PVT1: variants seen among roughly 807,000 people sequenced by gnomAD.
The protein encoded by PVT1 is CXCR4/PVT1 fusion.
intron 3 of PVT1, among the ~76,000 whole-genome samples, chr8:127,893,441 T>C (rs1280286638): frequency 6.6e-6 from 1 of 152,154 alleles, no homozygotes; most frequent in Non-Finnish European, 1.5e-5. Context: ...CATGCCTGGC[T>C]AATTTTTGTT....
Position 128,022,568 on chromosome 8 carries a change from G to C in PVT1, n.912+33277G>C, listed in dbSNP as rs979743923. The stretch of plus-strand genomic sequence containing the variant: ...CCTGGCAGGGCCAAATCTGGTGTCC[G>C]GTTCACTCTTGGCCTTCCAAGTTCT... On this transcript the variant is annotated intron_variant and non_coding_transcript_variant, in intron 4 of 10. Coordinates refer to ENST00000651587, the Ensembl canonical transcript of PVT1. Among the ~76,000 whole-genome samples, 103 of 152,186 alleles carry C rather than the reference G, an allele frequency of 6.8e-4. 1 individual carries two copies. Among genetic ancestry groups the C allele is most frequent in the Non-Finnish European group, 1.0e-4 (7 of 68,048 alleles).
At chr8:127,995,759 A>T (rs1817097102) in intron 4 of PVT1, among the ~76,000 whole-genome samples, 1 of 152,202 alleles carries the variant, frequency 6.6e-6, no homozygotes, top group Non-Finnish European at 1.5e-5. Context: ...ACTTTACATT[A>T]TATGATGTCA....
chr8:127,914,106 C>T (rs1192577491), intron 3 of PVT1, among the ~76,000 whole-genome samples: 4 of 151,774 alleles, frequency 2.6e-5, no homozygotes, highest in Non-Finnish European at 5.9e-5. Context: ...AAGACTTGAA[C>T]ACACATTTCT....
Position 127,912,702 on chromosome 8 carries a change from C to CT in PVT1, n.782+21718dup, listed in dbSNP as rs112470427. 2.1e-3 allele frequency among the ~76,000 whole-genome samples: 302 copies of CT among 144,602 alleles called. 1 individual carries two copies. The highest frequency in any genetic ancestry group is 3.7e-3 in the Admixed American group (53 of 14,496). 94.9% of individuals were successfully genotyped at this position (144,602 alleles called of 152,430 possible). A position where few individuals can be genotyped will look rare whatever the true frequency, so the allele number is the denominator to read the frequency against. On this transcript the variant is annotated intron_variant and non_coding_transcript_variant, in intron 3 of 10. Transcript: ENST00000651587. ...GTCATTTTATATCTTTCCCTCCCTT[C>CT]TTTTTTTTTTTTTTAGACTAGTCTC...
intron 4 of PVT1, among the ~76,000 whole-genome samples, chr8:128,029,890 C>T (rs1249454292): frequency 3.9e-5 from 6 of 152,240 alleles, no homozygotes; most frequent in Admixed American, 3.9e-4. Flanking sequence ...GGGAGGATTG[C>T]TTGAGCCCAG....
intron 2 of PVT1, among the ~76,000 whole-genome samples, chr8:127,837,551 A>G (rs564302945): frequency 6.6e-6 from 1 of 152,276 alleles, no homozygotes; most frequent in Non-Finnish European, 1.5e-5. Context: ...TTATTCCTAT[A>G]TAATTTCCTG....
At chr8:128,015,054 GATTT>G (rs59316636) in intron 4 of PVT1, among the ~76,000 whole-genome samples, 17,951 of 145,992 alleles carry the variant, frequency 0.12, 1,209 homozygotes, top group South Asian at 0.23. Context: ...AAGAGAAATA[GATTT>G]ATTTATTTAT....
At chr8:127,851,427 C>T (rs981675643) in intron 2 of PVT1, among the ~76,000 whole-genome samples, 3 of 152,180 alleles carry the variant, frequency 2.0e-5, no homozygotes, top group Non-Finnish European at 2.9e-5. Flanking sequence ...GAGCCACCCC[C>T]GCCCATGGCC....
chr8:128,007,176 C>T (rs1817257143), intron 4 of PVT1, among the ~76,000 whole-genome samples: 1 of 152,160 alleles, frequency 6.6e-6, no homozygotes, highest in Non-Finnish European at 1.5e-5. Flanking sequence ...CTGCGGGCTG[C>T]GTTCTGCATT....
At chr8:127,820,544 G>A (rs561732685) in intron 2 of PVT1, among the ~76,000 whole-genome samples, 4 of 152,210 alleles carry the variant, frequency 2.6e-5, no homozygotes, top group African/African-American at 7.2e-5. Context: ...CATCTCCCTC[G>A]AGGGAAGGAG....
At chr8:127,997,539 G>A (rs912254053) in intron 4 of PVT1, among the ~76,000 whole-genome samples, 4 of 152,158 alleles carry the variant, frequency 2.6e-5, no homozygotes, top group African/African-American at 4.8e-5. Flanking sequence ...TATTCCAGAT[G>A]TCATGATTTT....
At chr8:127,929,297 G>A (rs1335782604) in intron 3 of PVT1, among the ~76,000 whole-genome samples, 1 of 151,380 alleles carries the variant, frequency 6.6e-6, no homozygotes, top group Non-Finnish European at 1.5e-5. Flanking sequence ...TCCTCAGACA[G>A]GCAGACTGCT....
chr8:128,018,555 C>T (rs1463989685), intron 4 of PVT1, among the ~76,000 whole-genome samples: 6 of 152,140 alleles, frequency 3.9e-5, no homozygotes, highest in African/African-American at 7.2e-5. Flanking sequence ...AGATAGGTAC[C>T]GAAACGTTCC....
rs1816400718 is a variant in PVT1 at position 127,944,882 on chromosome 8, G to T, written n.783-44280G>T. ...AATTGGTTTAAGTGGAATGAAATTG[G>T]TTCCTTCCCTCCCCGTGCTCATGGC... On this transcript the variant is annotated intron_variant and non_coding_transcript_variant, in intron 3 of 10. Coordinates refer to ENST00000651587, the Ensembl canonical transcript of PVT1. 2.0e-5 allele frequency among the ~76,000 whole-genome samples: 3 copies of T among 152,210 alleles called. No homozygotes were observed. In the South Asian group the frequency reaches 6.2e-4, roughly 31 times the overall value.
intron 3 of PVT1, among the ~76,000 whole-genome samples, chr8:127,921,852 A>ATTTT (rs1816062657): frequency 1.3e-4 from 11 of 81,998 alleles, no homozygotes; most frequent in South Asian, 5.0e-4. Context: ...TTTTTGGTTC[A>ATTTT]TGTTTTTTTT....
chr8:127,847,487 A>G (rs1316149018), intron 2 of PVT1, among the ~76,000 whole-genome samples: 1 of 152,220 alleles, frequency 6.6e-6, no homozygotes, highest in African/African-American at 2.4e-5. Flanking sequence ...TTTCCCCTAC[A>G]GAGATAACCT....
At chr8:127,843,856 T>C (rs1817362935) in intron 2 of PVT1, among the ~76,000 whole-genome samples, 1 of 152,044 alleles carries the variant, frequency 6.6e-6, no homozygotes, top group South Asian at 2.1e-4. Flanking sequence ...AGCACCTTTC[T>C]TTCCAGAGTG....
chr8:127,954,051 A>G (rs1413227250), intron 3 of PVT1, among the ~76,000 whole-genome samples: 1 of 152,190 alleles, frequency 6.6e-6, no homozygotes, highest in Non-Finnish European at 1.5e-5. Flanking sequence ...ATGCAAAAAG[A>G]AACCAAAACC....
At chr8:127,946,842 C>G (rs1816426508) in intron 3 of PVT1, 1 of 153,416 alleles carries the variant, frequency 6.5e-6, no homozygotes, top group Non-Finnish European at 1.5e-5. Context: ...CATCGGTCAG[C>G]CTACCTTTGA....
Sources: gnomAD v4.1 joint callset for allele counts (sites outside exome capture counted in the v4.1 genomes callset) on GRCh38, gnomAD v4.1.1 for gene constraint, MANE v1.5 for transcripts, NCBI Gene and HGNC (gene_info 2026-07-23, HGNC 2026-07-21) for gene names.